Variants in RARB observed in about 807,000 individuals in gnomAD.
RARB encodes the protein retinoic acid receptor beta, also known as HBV-activated protein.
A neutral mutation model predicts 51.9 loss-of-function variants in RARB; 17 were observed. The ratio of observed to expected loss-of-function variants is 0.33; its 90% CI spans 0.22 to 0.49. The LOEUF (loss-of-function observed/expected upper bound fraction) is 0.49. RARB is among the 20% of genes least tolerant of loss of function. RARB has a pLI of 0.99. For synonymous variants in RARB, 215 were observed against 195.4 expected (o/e 1.10, Z -0.84); for missense variants, 369 against 550.8 (o/e 0.67, Z 3.30).
At chr3:24,963,207 G>A (rs571076422) in intron 2 of RARB, among the ~76,000 whole-genome samples, 1 of 152,078 alleles carries the variant, frequency 6.6e-6, no homozygotes, top group South Asian at 2.1e-4. Flanking sequence ...ACAGGGCATG[G>A]TGAATCTGTC....
In RARB at chr3:25,460,423, A is replaced by T. The variant is rs1278955205; in HGVS notation, c.158-770A>T. Reference sequence around the variant, plus strand: ...CTTCATTTGTCCAAAGGAAAATTTTAAAATTTTTATTTATTTATTTATTTA... The same window carrying T: ...CTTCATTTGTCCAAAGGAAAATTTTTAAATTTTTATTTATTTATTTATTTA... On this transcript the variant is annotated intron_variant, in intron 1 of 7. Coordinates refer to ENST00000330688, the MANE Select transcript of RARB (RefSeq NM_000965.5). Among the ~76,000 whole-genome samples the T allele has an allele frequency of 1.2e-4, 13 of 112,134 alleles. No individual in the cohort carries two copies. The South Asian group carries it at 2.0e-3, about 17-fold the overall frequency. The allele number at this position is 112,134 out of a possible 152,430, so 73.6% of individuals were successfully genotyped here.
At chr3:25,522,567 T>G (rs1698449049) in intron 3 of RARB, among the ~76,000 whole-genome samples, 1 of 152,108 alleles carries the variant, frequency 6.6e-6, no homozygotes, top group African/African-American at 2.4e-5. Flanking sequence ...GGAAGTAAAG[T>G]GTTGCCTGCT....
In RARB at chr3:25,173,797, A is replaced by T. The variant is rs1328189745; in HGVS notation, c.-279-322A>T. On this transcript the variant is annotated intron_variant, in intron 4 of 11. Transcript: ENST00000383772. ...GTGCATGCTAATGGGGGAGACAGAC[A>T]AAAACAAACACTCCCACATGTAATG... 2.0e-5 allele frequency among the ~76,000 whole-genome samples: 3 copies of T among 152,216 alleles called. No individual in the cohort carries two copies. In the East Asian group the frequency reaches 5.8e-4, roughly 29 times the overall value.
chr3:25,127,875 T>C (rs899610355), intron 3 of RARB, among the ~76,000 whole-genome samples: 4 of 152,118 alleles, frequency 2.6e-5, no homozygotes, highest in African/African-American at 9.7e-5. Context: ...TTCACTTCTG[T>C]GTTGAGTTTT....
At chr3:25,249,676 G>T (rs1188196977) in intron 5 of RARB, among the ~76,000 whole-genome samples, 2 of 132,582 alleles carry the variant, frequency 1.5e-5, no homozygotes, top group African/African-American at 2.8e-5. Flanking sequence ...TGTAGTCTCT[G>T]TATGATTTTT....
At chr3:25,226,238 G>A (rs1575234288) in intron 5 of RARB, among the ~76,000 whole-genome samples, 2 of 152,210 alleles carry the variant, frequency 1.3e-5, no homozygotes. Context: ...TATGAAATGA[G>A]GCACCTCAAT....
At chr3:25,140,084 G>GTT (rs58452061) in intron 4 of RARB, among the ~76,000 whole-genome samples, 30 of 149,708 alleles carry the variant, frequency 2.0e-4, no homozygotes, top group South Asian at 6.3e-4. Flanking sequence ...CAAGGACATG[G>GTT]TTTTTTTTTT....
intron 5 of RARB, among the ~76,000 whole-genome samples, chr3:25,341,463 A>G (rs1238744933): frequency 2.6e-5 from 4 of 152,142 alleles, no homozygotes; most frequent in African/African-American, 7.2e-5. Context: ...TTCAGCAAAG[A>G]CTTCCTAGAA....
Position 24,968,538 on chromosome 3 carries a change from C to T in RARB, c.-379-91587C>T, listed in dbSNP as rs1488067445. On this transcript the variant is annotated intron_variant, in intron 2 of 11. Coordinates refer to the RARB transcript ENST00000383772. ...AGTTGGGCTGATTTTAGCTGGACTA[C>T]CTCTTGTTTCTGTGGACATTTGACA... Among the ~76,000 whole-genome samples the T allele has an allele frequency of 3.9e-5, 6 of 152,156 alleles. No individual in the cohort carries two copies. In the South Asian group the frequency reaches 1.0e-3, roughly 26 times the overall value.
intron 2 of RARB, among the ~76,000 whole-genome samples, chr3:24,966,462 C>T (rs997682995): frequency 1.3e-5 from 2 of 152,024 alleles, no homozygotes; most frequent in Admixed American, 1.3e-4. Context: ...TTGAACCAAC[C>T]CTTCTCTCTT....
chr3:25,389,261 A>G (rs911877732), intron 5 of RARB, among the ~76,000 whole-genome samples: 5 of 152,082 alleles, frequency 3.3e-5, no homozygotes, highest in Non-Finnish European at 7.4e-5. Flanking sequence ...GATGGTAATC[A>G]TTTTGGATTA....
chr3:24,835,708 A>G (rs1250398604), intron 1 of RARB, among the ~76,000 whole-genome samples: 1 of 152,174 alleles, frequency 6.6e-6, no homozygotes, highest in Non-Finnish European at 1.5e-5. Flanking sequence ...CCCCAGTAAC[A>G]GCCAGGTTCT....
intron 2 of RARB, among the ~76,000 whole-genome samples, chr3:24,913,657 A>G (rs1695048413): frequency 6.6e-6 from 1 of 152,176 alleles, no homozygotes; most frequent in Admixed American, 6.5e-5. Context: ...ATAAAGTTAC[A>G]TCTTAATGTG....
At chr3:25,004,668 C>A (rs928885532) in intron 2 of RARB, among the ~76,000 whole-genome samples, 1 of 152,134 alleles carries the variant, frequency 6.6e-6, no homozygotes, top group African/African-American at 2.4e-5. Flanking sequence ...GATATTGTCA[C>A]TTCTGCAGTG....
intron 1 of RARB, among the ~76,000 whole-genome samples, chr3:24,846,617 A>G (rs1702488995): frequency 6.6e-6 from 1 of 152,196 alleles, no homozygotes; most frequent in Non-Finnish European, 1.5e-5. Flanking sequence ...ATTCCGAAGT[A>G]TGTCTGCCTA....
intron 5 of RARB, among the ~76,000 whole-genome samples, chr3:25,226,755 T>C (rs974799963): frequency 2.6e-5 from 4 of 152,176 alleles, no homozygotes; most frequent in African/African-American, 7.2e-5. Context: ...ATCAGGCTGC[T>C]CTGTGAATCA....
chr3:25,143,825 C>T (rs1274177829), intron 4 of RARB, among the ~76,000 whole-genome samples: 1 of 152,134 alleles, frequency 6.6e-6, no homozygotes, highest in African/African-American at 2.4e-5. Flanking sequence ...CTAATTTGTA[C>T]AATGGGCTGT....
At position 25,590,323 on chromosome 3, in the gene RARB, A is replaced by G. The variant is rs151042845; in HGVS notation, c.787-3180A>G. ...CTAAGTGAGTTATTGGCAATTTGCA[A>G]TGTCCTAAATCCTGGTCTTTTGTTC... On this transcript the variant is annotated intron_variant, in intron 5 of 7. Coordinates refer to ENST00000330688, the MANE Select transcript of RARB (RefSeq NM_000965.5). 9.2e-5 allele frequency among the ~76,000 whole-genome samples: 14 copies of G among 152,352 alleles called. No homozygotes were observed. In the East Asian group the frequency reaches 2.3e-3, roughly 25 times the overall value.
At chr3:25,418,820 T>C (rs919445752) in intron 5 of RARB, among the ~76,000 whole-genome samples, 2 of 152,174 alleles carry the variant, frequency 1.3e-5, no homozygotes, top group South Asian at 2.1e-4. Context: ...AAAGGATTAT[T>C]TCTGAAGGCA....
Sources: gnomAD v4.1 joint callset for allele counts (sites outside exome capture counted in the v4.1 genomes callset) on GRCh38, gnomAD v4.1.1 for gene constraint, MANE v1.5 for transcripts, NCBI Gene and HGNC (gene_info 2026-07-23, HGNC 2026-07-21) for gene names.